TBL1XR1: variants seen among roughly 807,000 people sequenced by gnomAD.
The protein encoded by TBL1XR1 is TBL1X/Y related 1.
In TBL1XR1, 5 loss-of-function variants were observed where a neutral mutation model predicts 66.9. That is an observed-to-expected ratio of 0.07 (90% CI 0.04 to 0.16). The LOEUF (loss-of-function observed/expected upper bound fraction) is 0.16, where lower values mean the gene tolerates loss of function less well. Ranked by LOEUF, TBL1XR1 falls within the 10% of genes least tolerant of loss-of-function variation. The probability of loss-of-function intolerance (pLI) is 1.00; values close to 1 mark genes in which losing one functional copy is unlikely to be tolerated. For missense variants in TBL1XR1, 238 were observed against 623.2 expected, an observed-to-expected ratio of 0.38 and a Z score of 6.58; for synonymous variants, 210 against 206.0, an observed-to-expected ratio of 1.02 and a Z score of -0.17.
intron 2 of TBL1XR1, among the ~76,000 whole-genome samples, chr3:177,081,865 A>ATT (rs1721441891): frequency 6.6e-6 from 1 of 152,238 alleles, no homozygotes; most frequent in African/African-American, 2.4e-5. Context: ...ACAATATAAA[A>ATT]TTTAAGTCTA....
intron 2 of TBL1XR1, among the ~76,000 whole-genome samples, chr3:177,086,804 T>A (rs1435166890): frequency 6.6e-6 from 1 of 151,444 alleles, no homozygotes; most frequent in African/African-American, 2.4e-5. Flanking sequence ...ACTTCCGACT[T>A]CCCAAAAACC....
intron 1 of TBL1XR1, among the ~76,000 whole-genome samples, chr3:177,135,443 G>C (rs1460632179): frequency 7.0e-6 from 1 of 143,674 alleles, no homozygotes; most frequent in Non-Finnish European, 1.5e-5. Flanking sequence ...GAGTACAGTC[G>C]TGCAATCTCG....
chr3:177,176,429 T>G (rs1734161662), intron 1 of TBL1XR1, among the ~76,000 whole-genome samples: 1 of 149,258 alleles, frequency 6.7e-6, no homozygotes, highest in South Asian at 2.2e-4. Context: ...ACTCCTGACC[T>G]CAGATGATCC....
intron 1 of TBL1XR1, among the ~76,000 whole-genome samples, chr3:177,179,264 T>C (rs1201781383): frequency 6.6e-6 from 1 of 152,184 alleles, no homozygotes; most frequent in Non-Finnish European, 1.5e-5. Context: ...CACCATGGCT[T>C]GTTTCATTCA....
At position 177,022,996 on chromosome 3, in the gene TBL1XR1, G is replaced by A. The variant is rs1712584442; in HGVS notation, c.*2502C>T. 2 of 151,206 alleles carry A rather than the reference G, an allele frequency of 1.3e-5. No homozygotes were observed. Among genetic ancestry groups the A allele is most frequent in the Admixed American group, 6.6e-5 (1 of 15,130 alleles). The allele number at this position is 151,206 out of a possible 1,614,324, so 9.4% of individuals were successfully genotyped here. On this transcript the variant is annotated 3_prime_UTR_variant, in exon 16 of 16. Coordinates refer to ENST00000457928, the MANE Select transcript of TBL1XR1 (RefSeq NM_024665.7). ...TTATATGTCCTATTGTGGCTATTAT[G>A]CTTAAGTAAAATAGCTAAAGAAAAA...
At chr3:177,096,866 T>C (rs1307316943) in intron 2 of TBL1XR1, among the ~76,000 whole-genome samples, 1 of 151,980 alleles carries the variant, frequency 6.6e-6, no homozygotes, top group Non-Finnish European at 1.5e-5. Context: ...AAGCTTGGCT[T>C]GGGGGGTGGG....
intron 1 of TBL1XR1, among the ~76,000 whole-genome samples, chr3:177,188,704 C>T (rs116010133): frequency 0.018 from 2,771 of 152,238 alleles, 40 homozygotes; most frequent in Middle Eastern, 0.027. Context: ...TATTCCTCCT[C>T]CCTCATCCCT....
chr3:177,175,825 G>A (rs1465571331), intron 1 of TBL1XR1, among the ~76,000 whole-genome samples: 1 of 152,068 alleles, frequency 6.6e-6, no homozygotes. Flanking sequence ...TTGGGAGGCC[G>A]AGGCGTGCGG....
At chr3:177,038,573 A>C (rs1715132743) in intron 10 of TBL1XR1, 139 bp from the exon 11 acceptor site, 2 of 815,452 alleles carry the variant, frequency 2.5e-6, no homozygotes, top group Non-Finnish European at 3.4e-6. Context: ...TAAGATATTA[A>C]GAAAAAATTA....
intron 1 of TBL1XR1, among the ~76,000 whole-genome samples, chr3:177,100,158 G>A (rs981100014): frequency 8.5e-5 from 13 of 152,312 alleles, no homozygotes; most frequent in African/African-American, 3.1e-4. Flanking sequence ...AGGGTCACTT[G>A]AGCCTGGGAG....
chr3:177,108,632 A>T (rs1725174005), intron 1 of TBL1XR1, among the ~76,000 whole-genome samples: 1 of 152,206 alleles, frequency 6.6e-6, no homozygotes, highest in South Asian at 2.1e-4. Flanking sequence ...AACTGCATGT[A>T]TAGTTTAAAA....
chr3:177,123,743 C>T (rs59120067), intron 1 of TBL1XR1, among the ~76,000 whole-genome samples: 3,774 of 152,080 alleles, frequency 0.025, 170 homozygotes, highest in African/African-American at 0.086. Flanking sequence ...TTCAAACATA[C>T]CCATCAAAAA....
At chr3:177,069,847 A>AGGAAGGAG (rs1553824838) in intron 2 of TBL1XR1, among the ~76,000 whole-genome samples, 4 of 148,578 alleles carry the variant, frequency 2.7e-5, no homozygotes, top group South Asian at 2.2e-4. Flanking sequence ...GAAGGAAGGA[A>AGGAAGGAG]GGAAGGAAAA....
At chr3:177,157,031 T>C (rs1178249621) in intron 1 of TBL1XR1, among the ~76,000 whole-genome samples, 1 of 152,140 alleles carries the variant, frequency 6.6e-6, no homozygotes, top group African/African-American at 2.4e-5. Flanking sequence ...TGGGCTAAAA[T>C]GAAGGTGTAA....
At chr3:177,043,547 T>C (rs1175692100) in intron 10 of TBL1XR1, among the ~76,000 whole-genome samples, 1 of 152,154 alleles carries the variant, frequency 6.6e-6, no homozygotes, top group Non-Finnish European at 1.5e-5. Flanking sequence ...GATAGCATGG[T>C]ATTTATTTTT....
chr3:177,086,023 G>A (rs1352900090), intron 2 of TBL1XR1, among the ~76,000 whole-genome samples: 1 of 151,930 alleles, frequency 6.6e-6, no homozygotes, highest in Non-Finnish European at 1.5e-5. Context: ...AACTAAACAA[G>A]AGAACTTACT....
chr3:177,151,171 T>C (rs1232094017), intron 1 of TBL1XR1, among the ~76,000 whole-genome samples: 1 of 152,224 alleles, frequency 6.6e-6, no homozygotes, highest in Non-Finnish European at 1.5e-5. Flanking sequence ...AAAGCAAAGC[T>C]GGGAAGAAAG....
At chr3:177,097,351 C>G (rs1723626063) in intron 2 of TBL1XR1, among the ~76,000 whole-genome samples, 1 of 152,078 alleles carries the variant, frequency 6.6e-6, no homozygotes, top group African/African-American at 2.4e-5. Context: ...CCAAAATACA[C>G]AACAATATTA....
At chr3:177,134,969 G>GTGTGTGTGTGTC (rs146706429) in intron 1 of TBL1XR1, among the ~76,000 whole-genome samples, 1,415 of 95,556 alleles carry the variant, frequency 0.015, 7 homozygotes, top group Non-Finnish European at 0.019. Flanking sequence ...GTGTGTGTCT[G>GTGTGTGTGTGTC]TGTGTGTGTC....
Sources: allele counts gnomAD v4.1 joint callset (sites outside exome capture counted in the v4.1 genomes callset), GRCh38; gene constraint gnomAD v4.1.1; transcripts MANE v1.5; gene names NCBI Gene and HGNC (gene_info 2026-07-23, HGNC 2026-07-21).